Variants in PTPN11 observed in about 807,000 individuals in gnomAD.
PTPN11 encodes the protein tyrosine-protein phosphatase non-receptor type 11.
PTPN11 carries 6 observed loss-of-function variants against 78.8 expected under a neutral mutation model. That is an observed-to-expected ratio of 0.08 (90% CI 0.04 to 0.15). The LOEUF (loss-of-function observed/expected upper bound fraction) is 0.15, where lower values mean the gene tolerates loss of function less well. Among genes scored for constraint, PTPN11 ranks in the 10% least tolerant of loss-of-function variants. PTPN11 has a pLI of 1.00. For missense variants in PTPN11, 386 were observed against 744.8 expected, an observed-to-expected ratio of 0.52 and a Z score of 5.61; for synonymous variants, 221 against 263.5, an observed-to-expected ratio of 0.84 and a Z score of 1.56.
intron 2 of PTPN11, 71 bp from the exon 3 acceptor site, chr12:112,450,247 G>T: frequency 7.2e-7 from 1 of 1,382,830 alleles, no homozygotes; most frequent in African/African-American, 1.4e-5. Flanking sequence ...CGACGTGGAA[G>T]ATGAGATCTG....
intron 1 of PTPN11, among the ~76,000 whole-genome samples, chr12:112,445,065 ATG>A (rs563997620): frequency 2.6e-5 from 4 of 151,380 alleles, no homozygotes; most frequent in Non-Finnish European, 4.4e-5. Flanking sequence ...GTATATATAT[ATG>A]TGTGTGTGTG....
At chr12:112,433,162 C>T (rs1231860535) in intron 1 of PTPN11, among the ~76,000 whole-genome samples, 1 of 152,158 alleles carries the variant, frequency 6.6e-6, no homozygotes, top group Non-Finnish European at 1.5e-5. Flanking sequence ...TTTACAGGCA[C>T]CTGGCCACCA....
chr12:112,481,776 G>A (rs577085356), intron 9 of PTPN11, among the ~76,000 whole-genome samples: 3 of 152,188 alleles, frequency 2.0e-5, no homozygotes, highest in Non-Finnish European at 2.9e-5. Flanking sequence ...ACAGGCATGA[G>A]CCACTGCGCC....
chr12:112,497,171 C>CA (rs59581934), intron 13 of PTPN11, among the ~76,000 whole-genome samples: 2,357 of 72,764 alleles, frequency 0.032, 39 homozygotes, highest in Non-Finnish European at 0.044. Context: ...GACTCTGTCT[C>CA]AAAAAAAAAA....
chr12:112,466,659 T>G (rs889160401), intron 6 of PTPN11, among the ~76,000 whole-genome samples: 3 of 152,206 alleles, frequency 2.0e-5, no homozygotes, highest in Admixed American at 1.3e-4. Context: ...GCCGTATCTT[T>G]GTCTTAAAAA....
chr12:112,484,385 G>A (rs2038642681), intron 10 of PTPN11, among the ~76,000 whole-genome samples: 2 of 152,186 alleles, frequency 1.3e-5, no homozygotes, highest in Admixed American at 6.5e-5. Flanking sequence ...TGTCCAGGCC[G>A]AGGGCTTTGC....
At chr12:112,479,266 A>T (rs2135903577) in intron 9 of PTPN11, among the ~76,000 whole-genome samples, 1 of 152,202 alleles carries the variant, frequency 6.6e-6, no homozygotes. Flanking sequence ...TTTTTTTTTA[A>T]ATATGGAAAA....
chr12:112,462,778 G>A (rs1428948492), intron 6 of PTPN11, among the ~76,000 whole-genome samples: 1 of 151,864 alleles, frequency 6.6e-6, no homozygotes. Context: ...TTTTTTTACT[G>A]TATAGTAATC....
chr12:112,479,182 C>T (rs1181323318), intron 9 of PTPN11, among the ~76,000 whole-genome samples: 2 of 152,176 alleles, frequency 1.3e-5, no homozygotes, highest in Non-Finnish European at 2.9e-5. Context: ...ACACCCCACA[C>T]CTACAGAAGA....
At chr12:112,496,062 A>G (rs757579690) in intron 13 of PTPN11, among the ~76,000 whole-genome samples, 111 of 152,318 alleles carry the variant, frequency 7.3e-4, no homozygotes, top group Middle Eastern at 3.4e-3. Context: ...GTTTCTATAT[A>G]CATTATTTAG....
intron 1 of PTPN11, among the ~76,000 whole-genome samples, chr12:112,429,813 AC>A (rs1321464731): frequency 2.0e-5 from 3 of 151,148 alleles, no homozygotes; most frequent in African/African-American, 4.8e-5. Flanking sequence ...AAAAAAAAAA[AC>A]AACAACAAAA....
At chr12:112,492,115 GCCTTTCAGTTTGGATTTGTC>G (rs2038754038) in intron 13 of PTPN11, among the ~76,000 whole-genome samples, 1 of 152,236 alleles carries the variant, frequency 6.6e-6, no homozygotes, top group African/African-American at 2.4e-5. Context: ...TTAGCAGAAT[GCCTTTCAGTTTGGATTTGTC>G]CAGTGTTTTC....
intron 11 of PTPN11, 32 bp from the exon 12 acceptor site, chr12:112,488,411 G>A (rs2038706016): frequency 1.3e-6 from 2 of 1,566,434 alleles, no homozygotes; most frequent in South Asian, 2.2e-5. Flanking sequence ...GAATGATTCT[G>A]TTGTCCCTGC....
intron 7 of PTPN11, among the ~76,000 whole-genome samples, chr12:112,473,859 G>A (rs1271164945): frequency 1.3e-5 from 2 of 151,874 alleles, no homozygotes; most frequent in Non-Finnish European, 2.9e-5. Context: ...AAAAAAAAAG[G>A]AAGACTTTGT....
At chr12:112,427,560 T>G (rs1236393444) in intron 1 of PTPN11, among the ~76,000 whole-genome samples, 1 of 150,758 alleles carries the variant, frequency 6.6e-6, no homozygotes, top group Non-Finnish European at 1.5e-5. Flanking sequence ...AAAAAAAATC[T>G]ATATATCTAT....
intron 1 of PTPN11, among the ~76,000 whole-genome samples, chr12:112,435,603 CAA>C (rs1305283435): frequency 6.7e-6 from 1 of 148,314 alleles, no homozygotes; most frequent in African/African-American, 2.5e-5. Flanking sequence ...CTAAGAGAGG[CAA>C]AAGTTATTTT....
chr12:112,456,208 G>A, intron 6 of PTPN11, 145 bp downstream of exon 6: 1 of 689,800 alleles, frequency 1.4e-6, no homozygotes, highest in Non-Finnish European at 2.7e-6. Context: ...CACGGAGCAA[G>A]TTGCTGAGAG....
chr12:112,486,621 G>A lies in PTPN11; in HGVS notation c.1371G>A (p.Val457=), dbSNP rs2038681638. The A allele has an allele frequency of 6.2e-7, 1 of 1,612,632 alleles. No homozygotes were observed. The highest frequency in any genetic ancestry group is 2.2e-5 in the East Asian group (1 of 44,878). The change falls in exon 11 of 16, where the codon GTG becomes GTA. Residue 457 remains valine, a synonymous_variant. Coordinates refer to ENST00000351677, the MANE Select transcript of PTPN11 (RefSeq NM_002834.5). ...TCATGGATGCAGGGCCGGTCGTGGTGCACTGCAGGTGACAGCTCCTGCTGC... is the reference window on the plus strand; with the variant it reads ...TCATGGATGCAGGGCCGGTCGTGGTACACTGCAGGTGACAGCTCCTGCTGC... The part of the protein sequence containing the change: ...ESIMDAGPVV[V]HCSAGIGRTG...
At chr12:112,484,976 T>G (rs1414516831) in intron 10 of PTPN11, among the ~76,000 whole-genome samples, 1 of 151,956 alleles carries the variant, frequency 6.6e-6, no homozygotes, top group Non-Finnish European at 1.5e-5. Flanking sequence ...AAATGTCACT[T>G]AAGGCTGGGC....
Sources: allele counts gnomAD v4.1 joint callset (sites outside exome capture counted in the v4.1 genomes callset), GRCh38; gene constraint gnomAD v4.1.1; transcripts MANE v1.5; gene names NCBI Gene and HGNC (gene_info 2026-07-23, HGNC 2026-07-21).